Variants in KCNT1 observed in about 807,000 individuals in gnomAD.
KCNT1 encodes potassium channel subfamily T member 1.
In KCNT1, 78 loss-of-function variants were observed where a neutral mutation model predicts 147.8. That is an observed-to-expected ratio of 0.53 (90% CI 0.44 to 0.64). KCNT1 has a LOEUF of 0.64. Among genes scored for constraint, KCNT1 ranks in the 30% least tolerant of loss-of-function variants. The pLI is 0.00. For synonymous variants in KCNT1, 867 were observed against 748.8 expected (o/e 1.16, Z -2.58); for missense variants, 1,419 against 1,750.3 (o/e 0.81, Z 3.38).
At chr9:135,707,158 G>A (rs554990090) in intron 1 of KCNT1, among the ~76,000 whole-genome samples, 1 of 152,140 alleles carries the variant, frequency 6.6e-6, no homozygotes, top group East Asian at 1.9e-4. Flanking sequence ...GATCAGATAA[G>A]GCCCGGTGCA....
In KCNT1 at chr9:135,786,112, C is replaced by G. The variant is rs138860294; in HGVS notation, c.3178-85C>G. On this transcript the variant is annotated intron_variant, in intron 28 of 30. Coordinates refer to ENST00000371757, the MANE Select transcript of KCNT1 (RefSeq NM_020822.3). ...CAGGCCCCAAGCTGCAGAGCCCACA[C>G]CTCTTCCTAAGCCCCTGCCCCAAAG... The G allele has an allele frequency of 7.0e-3, 8,848 of 1,270,216 alleles. 52 individuals carry two copies. The highest frequency in any genetic ancestry group is 0.016 in the Middle Eastern group (81 of 5,172). The allele number at this position is 1,270,216 out of a possible 1,614,324, so 78.7% of individuals were successfully genotyped here.
chr9:135,775,702 A>G lies in KCNT1; in HGVS notation c.2349+287A>G, dbSNP rs540273765. Among the ~76,000 whole-genome samples, 3 of 152,154 alleles carry G rather than the reference A, an allele frequency of 2.0e-5. No homozygotes were observed. The South Asian group carries it at 6.2e-4, about 32-fold the overall frequency. On this transcript the variant is annotated intron_variant, in intron 20 of 30. Transcript: ENST00000371757. ...GGAGCCACCACACCCCTTTCCCCTA[A>G]TACATCTACATGCGTTCCCAAAGAT...
intron 29 of KCNT1, among the ~76,000 whole-genome samples, chr9:135,788,676 T>C (rs939151939): frequency 7.9e-5 from 12 of 151,716 alleles, no homozygotes; most frequent in African/African-American, 2.7e-4. Flanking sequence ...CCACGAGGAG[T>C]AGGCAGGCTT....
At chr9:135,729,198 C>G (rs915032731) in intron 2 of KCNT1, among the ~76,000 whole-genome samples, 1 of 152,248 alleles carries the variant, frequency 6.6e-6, no homozygotes, top group Non-Finnish European at 1.5e-5. Flanking sequence ...TCTACTCACA[C>G]GTGCCCTCTG....
Position 135,758,520 on chromosome 9 carries a change from C to G in KCNT1, c.854+12C>G, listed in dbSNP as rs776615110. 6.2e-7 allele frequency: 1 copy of G among 1,609,712 alleles called. No homozygotes were observed. The highest frequency in any genetic ancestry group is 1.3e-5 in the African/African-American group (1 of 74,980). Reference sequence around the variant, plus strand: ...CTCGTTTTCACGGGGTGAGTGCCGGCCGTCAGTGTGAGCACCCCAGGACGT... The same window carrying G: ...CTCGTTTTCACGGGGTGAGTGCCGGGCGTCAGTGTGAGCACCCCAGGACGT... On this transcript the variant is annotated intron_variant, in intron 10 of 30. Coordinates refer to ENST00000371757, the MANE Select transcript of KCNT1 (RefSeq NM_020822.3).
At chr9:135,703,286 G>A (rs1360355999) in intron 1 of KCNT1, 1 of 152,502 alleles carries the variant, frequency 6.6e-6, no homozygotes, top group Non-Finnish European at 1.5e-5. Context: ...AGGCTGTCCT[G>A]AGGCCAGAGA....
rs1320206305 is a variant in KCNT1, at chr9:135,714,407, GC to G, written c.111-165del. The G allele has an allele frequency of 1.1e-5, 2 of 179,022 alleles. No individual in the cohort carries two copies. The highest frequency in any genetic ancestry group is 1.3e-4 in the Admixed American group (2 of 14,882). The allele number at this position is 179,022 out of a possible 1,614,324, so 11.1% of individuals were successfully genotyped here. On this transcript the variant is annotated intron_variant, in intron 1 of 30. Coordinates refer to ENST00000371757, the MANE Select transcript of KCNT1 (RefSeq NM_020822.3). The surrounding 1 kb of genome is among the most constrained non-coding windows in gnomAD (Gnocchi z 6.2). ...CAGCCCGGCGCAGCCGGTCCCGCGC[GC>G]CCCCGCCCGCATGTGCCGCCAGGCC...
intron 2 of KCNT1, among the ~76,000 whole-genome samples, chr9:135,729,797 C>T (rs1011147266): frequency 6.6e-6 from 1 of 152,198 alleles, no homozygotes; most frequent in African/African-American, 2.4e-5. Flanking sequence ...GTTGCACGTG[C>T]CCTTGGTGTC....
chr9:135,757,699 C>T (rs1831588511), intron 9 of KCNT1, among the ~76,000 whole-genome samples: 1 of 152,208 alleles, frequency 6.6e-6, no homozygotes, highest in Non-Finnish European at 1.5e-5. Flanking sequence ...CCACAAACAC[C>T]AGGCCACACG....
At chr9:135,778,313 G>T (rs944068504) in intron 21 of KCNT1, 111 bp from the exon 22 acceptor site, 4 of 949,718 alleles carry the variant, frequency 4.2e-6, no homozygotes, top group Non-Finnish European at 6.4e-6. Context: ...CTGCGGTTCT[G>T]GGGAACCCCT....
At position 135,753,977 on chromosome 9, in the gene KCNT1, T is replaced by A; in HGVS notation, c.475T>A (p.Ser159Thr). Residue 159 changes from serine to threonine, a missense_variant, in exon 5 of 31, where the codon TCC becomes ACC. Ser to Thr is a moderately conservative substitution (Grantham distance 58). This residue lies in a region of KCNT1 where 401 missense variants were observed against 610.6 expected (regional missense o/e 0.66). Coordinates refer to ENST00000371757, the MANE Select transcript of KCNT1 (RefSeq NM_020822.3). ...PKQNYSFNDS[S>T]SEINWAPILW... ...GCAGAACTACTCCTTCAATGACTCG[T>A]CCTCCGAGATCAACTGGTGAGTCCA... 6.2e-7 allele frequency: 1 copy of A among 1,613,974 alleles called. No homozygotes were observed. The highest frequency in any genetic ancestry group is 8.5e-7 in the Non-Finnish European group (1 of 1,179,966).
At chr9:135,739,670 G>A (rs753433048) in intron 2 of KCNT1, among the ~76,000 whole-genome samples, 27 of 152,212 alleles carry the variant, frequency 1.8e-4, no homozygotes, top group Non-Finnish European at 3.2e-4. Flanking sequence ...TCCCAGGAGG[G>A]CCCCTCCTGA....
Position 135,772,918 on chromosome 9 carries a change from C to T in KCNT1, c.2212C>T (p.Pro738Ser). The T allele has an allele frequency of 6.5e-7, 1 of 1,530,458 alleles. No homozygotes were observed. The highest frequency in any genetic ancestry group is 8.8e-7 in the Non-Finnish European group (1 of 1,140,824). The allele number at this position is 1,530,458 out of a possible 1,614,324, so 94.8% of individuals were successfully genotyped here. A position where few individuals can be genotyped will look rare whatever the true frequency, so the allele number is the denominator to read the frequency against. Residue 738 changes from proline (P) to serine (S), a missense_variant, in exon 19 of 31, where the codon CCG becomes TCG. Pro to Ser is a moderately conservative substitution (Grantham distance 74). Coordinates refer to ENST00000371757, the MANE Select transcript of KCNT1 (RefSeq NM_020822.3). The part of the protein sequence containing the change: ...LSDQSEDEVT[P>S]SDDEGLSVVE... ...CGACCAGTCGGAGGATGAGGTGACG[C>T]CGTCGGACGACGAGGGGCTCTCCGT...
chr9:135,769,259 GCGTGTGCATGCTGT>G, intron 15 of KCNT1, among the ~76,000 whole-genome samples: 1 of 145,016 alleles, frequency 6.9e-6, no homozygotes, highest in Non-Finnish European at 1.5e-5. Flanking sequence ...GGGGCAGGGC[GCGTGTGCATGCTGT>G]TGGGTGATGG....
chr9:135,778,562 T>G (rs899870686), intron 22 of KCNT1, 67 bp downstream of exon 22: 33 of 1,603,694 alleles, frequency 2.1e-5, no homozygotes, highest in Non-Finnish European at 2.4e-5. Flanking sequence ...TTCCAAAGTC[T>G]GGGGTGACCC....
At chr9:135,760,680 G>A (rs931920689) in intron 11 of KCNT1, among the ~76,000 whole-genome samples, 1 of 152,188 alleles carries the variant, frequency 6.6e-6, no homozygotes, top group East Asian at 1.9e-4. Flanking sequence ...ATGGGCCCAG[G>A]CCAGGCCTGG....
intron 2 of KCNT1, among the ~76,000 whole-genome samples, chr9:135,732,024 A>G (rs57123222): frequency 0.041 from 2,640 of 63,980 alleles, 27 homozygotes; most frequent in East Asian, 0.063. Context: ...AGAGAGAGAG[A>G]GAGAGAGAGA....
Position 135,785,394 on chromosome 9 carries a change from G to A in KCNT1, c.3177+64G>A, listed in dbSNP as rs749595031. 3.6e-5 allele frequency: 57 copies of A among 1,592,314 alleles called. No homozygotes were observed. In the South Asian group the frequency reaches 4.4e-4, roughly 12 times the overall value. On this transcript the variant is annotated intron_variant, in intron 28 of 30. Coordinates refer to ENST00000371757, the MANE Select transcript of KCNT1 (RefSeq NM_020822.3). Reference sequence around the variant, plus strand: ...CACCAGAACATCGCAGCTTCACATGGAGAAGCCTGCCAGGCCCCACCCACC... The same window carrying A: ...CACCAGAACATCGCAGCTTCACATGAAGAAGCCTGCCAGGCCCCACCCACC...
At chr9:135,763,761 C>T (rs766201005) in intron 11 of KCNT1, among the ~76,000 whole-genome samples, 3 of 152,204 alleles carry the variant, frequency 2.0e-5, no homozygotes, top group Non-Finnish European at 2.9e-5. Context: ...CCAATCAGAT[C>T]ACATGGCGAG....
Sources: gnomAD v4.1 joint callset for allele counts (sites outside exome capture counted in the v4.1 genomes callset) on GRCh38, gnomAD v4.1.1 for gene constraint, gnomAD v4.1.1 regional missense constraint, Gnocchi (gnomAD v3.1) non-coding constraint, MANE v1.5 for transcripts, NCBI Gene and HGNC (gene_info 2026-07-23, HGNC 2026-07-21) for gene names.